Variants in CDH18 observed in about 807,000 individuals in gnomAD.
CDH18 encodes the protein cadherin-18.
In CDH18, 31 loss-of-function variants were observed where a neutral mutation model predicts 67.9. The ratio of observed to expected loss-of-function variants is 0.46; its 90% confidence interval spans 0.34 to 0.62. CDH18 has a LOEUF of 0.62. Ranked by LOEUF, CDH18 falls within the 20% of genes least tolerant of loss-of-function variation. CDH18 has a pLI of 0.01. For synonymous variants in CDH18, 362 were observed against 347.2 expected (o/e 1.04, Z -0.48); for missense variants, 890 against 975.5 (o/e 0.91, Z 1.17).
chr5:19,632,480 G>A (rs947787695), intron 5 of CDH18, among the ~76,000 whole-genome samples: 3 of 151,970 alleles, frequency 2.0e-5, no homozygotes, highest in Non-Finnish European at 4.4e-5. Flanking sequence ...AATTCTTTCC[G>A]GGTTTCTTCT....
At chr5:20,088,411 A>T (rs1426029656) in intron 2 of CDH18, among the ~76,000 whole-genome samples, 4 of 152,164 alleles carry the variant, frequency 2.6e-5, no homozygotes. Flanking sequence ...ATCTCTCAGG[A>T]CAGTTTTGCT....
chr5:19,759,875 A>G lies in CDH18; in HGVS notation c.229-12639T>C, dbSNP rs150794823. ...CACTCCAGGGGTTCTGGGTCTGTAA[A>G]CTGGCTCAAGTCTGGAAATGAATTG... On this transcript the variant is annotated intron_variant, in intron 3 of 12. Coordinates refer to ENST00000382275, the MANE Select transcript of CDH18 (RefSeq NM_004934.5). Among the ~76,000 whole-genome samples, 824 of 152,184 alleles carry G rather than the reference A, an allele frequency of 5.4e-3. 2 individuals are homozygous for G. Among genetic ancestry groups the G allele is most frequent in the South Asian group, 0.012 (57 of 4,822 alleles).
intron 1 of CDH18, among the ~76,000 whole-genome samples, chr5:20,451,967 A>G (rs1380111899): frequency 2.0e-5 from 3 of 152,184 alleles, no homozygotes; most frequent in South Asian, 4.1e-4. Flanking sequence ...ATATTTCTGC[A>G]TATAGTTCTT....
intron 9 of CDH18, among the ~76,000 whole-genome samples, chr5:19,539,302 C>T (rs983120958): frequency 2.6e-5 from 4 of 151,956 alleles, no homozygotes; most frequent in African/African-American, 9.7e-5. Flanking sequence ...TAACTCAAAC[C>T]CCATATAAAG....
rs1015133156 is a variant in CDH18, at chr5:19,673,203, G to A, written c.643+48144C>T. ...GTTGAGAAACTTATTAGACTGCCAGGAATTACTAGGAATTGTCAGGTTAAA... is the reference window on the plus strand; with the variant it reads ...GTTGAGAAACTTATTAGACTGCCAGAAATTACTAGGAATTGTCAGGTTAAA... On this transcript the variant is annotated intron_variant, in intron 5 of 12. Transcript: ENST00000382275. Among the ~76,000 whole-genome samples the A allele has an allele frequency of 2.0e-5, 3 of 151,940 alleles. No homozygotes were observed. The South Asian group carries it at 6.2e-4, about 31-fold the overall frequency.
At chr5:19,822,573 G>A (rs547780348) in intron 3 of CDH18, among the ~76,000 whole-genome samples, 10 of 152,246 alleles carry the variant, frequency 6.6e-5, no homozygotes, top group African/African-American at 1.4e-4. Context: ...AGTAGGTTCC[G>A]TGATGCCCCA....
At position 20,550,515 on chromosome 5, in the gene CDH18, T is replaced by C. The variant is rs191509441; in HGVS notation, c.-580+24947A>G. Among the ~76,000 whole-genome samples the C allele has an allele frequency of 2.4e-3, 368 of 152,310 alleles. 1 individual carries two copies. Among genetic ancestry groups the C allele is most frequent in the African/African-American group, 8.6e-3 (358 of 41,574 alleles). On this transcript the variant is annotated intron_variant, in intron 1 of 14. Coordinates refer to the CDH18 transcript ENST00000507958. The stretch of plus-strand genomic sequence containing the variant: ...TGGATTTTCAATTTAATTCAATCAA[T>C]ACTTCTTGTAACATTAATGTTGTCC...
intron 2 of CDH18, among the ~76,000 whole-genome samples, chr5:20,110,586 A>T (rs140813600): frequency 2.0e-5 from 3 of 152,186 alleles, no homozygotes; most frequent in African/African-American, 7.2e-5. Context: ...TGTGAGGCTG[A>T]GGCAGGAGAA....
intron 5 of CDH18, among the ~76,000 whole-genome samples, chr5:19,718,708 T>C (rs1168167368): frequency 6.6e-6 from 1 of 151,988 alleles, no homozygotes. Context: ...ATCCATAGGT[T>C]CCCATGATGC....
intron 4 of CDH18, among the ~76,000 whole-genome samples, chr5:19,737,098 T>C (rs1486721824): frequency 1.3e-5 from 2 of 152,160 alleles, no homozygotes; most frequent in Admixed American, 6.5e-5. Context: ...CTCTTCCACA[T>C]GCGGCCTTCT....
intron 1 of CDH18, among the ~76,000 whole-genome samples, chr5:20,442,132 G>A (rs182071855): frequency 6.6e-6 from 1 of 151,888 alleles, no homozygotes; most frequent in East Asian, 1.9e-4. Flanking sequence ...AGAGTCCGTG[G>A]TATTTGTTGA....
chr5:19,837,503 T>G (rs1257780522), intron 3 of CDH18, among the ~76,000 whole-genome samples: 1 of 152,196 alleles, frequency 6.6e-6, no homozygotes, highest in Non-Finnish European at 1.5e-5. Flanking sequence ...TTTTTAAAAA[T>G]TTATTTTATG....
chr5:20,145,454 T>C (rs938100038), intron 2 of CDH18, among the ~76,000 whole-genome samples: 1 of 152,198 alleles, frequency 6.6e-6, no homozygotes, highest in East Asian at 1.9e-4. Flanking sequence ...CATTGTAAAA[T>C]CTTTACAGTC....
chr5:20,110,922 C>A (rs561619286), intron 2 of CDH18, among the ~76,000 whole-genome samples: 1 of 152,224 alleles, frequency 6.6e-6, no homozygotes, highest in South Asian at 2.1e-4. Flanking sequence ...GCCTAACTTG[C>A]AGGCAGATTT....
chr5:19,984,552 C>T (rs1252802204), intron 1 of CDH18, among the ~76,000 whole-genome samples: 1 of 152,042 alleles, frequency 6.6e-6, no homozygotes, highest in Non-Finnish European at 1.5e-5. Context: ...TTTAACCACG[C>T]TAGAATAACT....
At chr5:20,463,374 C>G (rs1331856647) in intron 1 of CDH18, among the ~76,000 whole-genome samples, 1 of 151,908 alleles carries the variant, frequency 6.6e-6, no homozygotes, top group African/African-American at 2.4e-5. Context: ...GTGTATTACT[C>G]TGTTCTCACA....
intron 2 of CDH18, among the ~76,000 whole-genome samples, chr5:20,103,812 GA>G (rs11446807): frequency 6.8e-6 from 1 of 147,722 alleles, no homozygotes; most frequent in African/African-American, 2.5e-5. Flanking sequence ...GAAACCAAAA[GA>G]AAAAAAAAAC....
chr5:20,108,799 T>C (rs543058886), intron 2 of CDH18, among the ~76,000 whole-genome samples: 1 of 152,244 alleles, frequency 6.6e-6, no homozygotes, highest in East Asian at 1.9e-4. Context: ...GTAAGGTGTG[T>C]TTTCTGGTTG....
chr5:19,850,262 T>C (rs1581639905), intron 2 of CDH18, among the ~76,000 whole-genome samples: 1 of 152,044 alleles, frequency 6.6e-6, no homozygotes, highest in East Asian at 1.9e-4. Flanking sequence ...TTTTATTACA[T>C]GGCACTTTTT....
Sources: allele counts gnomAD v4.1 joint callset (sites outside exome capture counted in the v4.1 genomes callset), GRCh38; gene constraint gnomAD v4.1.1; transcripts MANE v1.5; gene names NCBI Gene and HGNC (gene_info 2026-07-23, HGNC 2026-07-21).